Variants in SRPK2 observed in about 807,000 individuals in gnomAD.
The protein encoded by SRPK2 is SRSF protein kinase 2.
Under a neutral mutation model 90.8 loss-of-function variants are expected in SRPK2, and 21 were observed. The observed-to-expected ratio is 0.23, with a 90% CI of 0.16 to 0.33. The LOEUF (loss-of-function observed/expected upper bound fraction) is 0.33, where lower values mean the gene tolerates loss of function less well. Ranked by LOEUF, SRPK2 falls within the 10% of genes least tolerant of loss-of-function variation. SRPK2 has a pLI of 1.00. For missense variants in SRPK2, 620 were observed against 869.0 expected (o/e 0.71, Z 3.60); for synonymous variants, 288 against 311.1 (o/e 0.93, Z 0.78).
At chr7:105,170,077 A>T (rs1790613967) in intron 3 of SRPK2, among the ~76,000 whole-genome samples, 1 of 152,066 alleles carries the variant, frequency 6.6e-6, no homozygotes, top group Non-Finnish European at 1.5e-5. Context: ...CCCCTCCCAA[A>T]GTGCTGGGAT....
At chr7:105,212,346 C>A (rs1212091413) in intron 2 of SRPK2, among the ~76,000 whole-genome samples, 1 of 152,154 alleles carries the variant, frequency 6.6e-6, no homozygotes, top group Non-Finnish European at 1.5e-5. Flanking sequence ...CATGTAAACA[C>A]ACAAATGTAA....
intron 1 of SRPK2, among the ~76,000 whole-genome samples, chr7:105,394,425 G>T (rs1224752986): frequency 1.3e-5 from 2 of 151,792 alleles, no homozygotes; most frequent in East Asian, 3.9e-4. Flanking sequence ...ACAGGCGTGA[G>T]CCACGCGCCC....
chr7:105,365,532 G>T (rs977764972), intron 2 of SRPK2, among the ~76,000 whole-genome samples: 1 of 145,332 alleles, frequency 6.9e-6, no homozygotes, highest in Middle Eastern at 3.6e-3. Context: ...ATATATTTAG[G>T]CCAGGTGCAA....
chr7:105,169,007 G>T, intron 4 of SRPK2, 150 bp downstream of exon 4: 2 of 476,624 alleles, frequency 4.2e-6, no homozygotes. Context: ...AAGGCAGGGG[G>T]CAGGAAGGAA....
intron 2 of SRPK2, among the ~76,000 whole-genome samples, chr7:105,357,883 G>A (rs1343338033): frequency 1.3e-5 from 2 of 152,128 alleles, no homozygotes; most frequent in African/African-American, 4.8e-5. Flanking sequence ...ACTGATCCTT[G>A]AACAACGCAG....
chr7:105,330,705 T>C (rs1484522931), intron 2 of SRPK2, among the ~76,000 whole-genome samples: 1 of 152,184 alleles, frequency 6.6e-6, no homozygotes, highest in Non-Finnish European at 1.5e-5. Flanking sequence ...GAGGGTCACG[T>C]GCAGTGGCTC....
chr7:105,320,633 T>C (rs1812831747), intron 2 of SRPK2, among the ~76,000 whole-genome samples: 1 of 152,196 alleles, frequency 6.6e-6, no homozygotes, highest in African/African-American at 2.4e-5. Flanking sequence ...ATAAAGCTAA[T>C]TTTGCATTCA....
At chr7:105,205,932 C>CAA (rs781579073) in intron 2 of SRPK2, 3 of 516,158 alleles carry the variant, frequency 5.8e-6, no homozygotes, top group Admixed American at 2.0e-5. Flanking sequence ...TCTGAAAACA[C>CAA]ACACACACAC....
chr7:105,173,532 A>G (rs556603606), intron 3 of SRPK2, among the ~76,000 whole-genome samples: 2 of 151,970 alleles, frequency 1.3e-5, no homozygotes, highest in African/African-American at 4.8e-5. Flanking sequence ...CTAACCTAAT[A>G]CCCAGGGAAT....
At chr7:105,370,557 C>A (rs1029589059) in intron 2 of SRPK2, among the ~76,000 whole-genome samples, 1 of 151,760 alleles carries the variant, frequency 6.6e-6, no homozygotes, top group African/African-American at 2.4e-5. Context: ...CAAAGAGATG[C>A]CTGAAACAAT....
At chr7:105,361,822 A>C (rs866357567) in intron 2 of SRPK2, among the ~76,000 whole-genome samples, 10 of 152,312 alleles carry the variant, frequency 6.6e-5, no homozygotes, top group African/African-American at 2.4e-4. Flanking sequence ...ACAAAAATTA[A>C]TTCAAGATGG....
chr7:105,318,353 C>A (rs1004097835), intron 2 of SRPK2, among the ~76,000 whole-genome samples: 1 of 152,098 alleles, frequency 6.6e-6, no homozygotes, highest in Non-Finnish European at 1.5e-5. Context: ...CCTCAGCCTC[C>A]CAAAGTGCTG....
At chr7:105,355,966 T>C (rs1817737077) in intron 2 of SRPK2, among the ~76,000 whole-genome samples, 1 of 152,130 alleles carries the variant, frequency 6.6e-6, no homozygotes, top group Non-Finnish European at 1.5e-5. Context: ...GAGAATCACC[T>C]GAAACTGGAA....
intron 2 of SRPK2, among the ~76,000 whole-genome samples, chr7:105,219,040 G>A (rs1300066611): frequency 1.3e-5 from 2 of 152,030 alleles, no homozygotes; most frequent in African/African-American, 4.8e-5. Context: ...CCAGAAAACA[G>A]TCCACCCTGG....
chr7:105,324,312 T>C (rs1813312264), intron 2 of SRPK2, among the ~76,000 whole-genome samples: 1 of 151,282 alleles, frequency 6.6e-6, no homozygotes, highest in Non-Finnish European at 1.5e-5. Flanking sequence ...GGGCCAACTA[T>C]TCCCTCCCTC....
chr7:105,310,515 A>G (rs994331208), intron 2 of SRPK2, among the ~76,000 whole-genome samples: 4 of 151,974 alleles, frequency 2.6e-5, no homozygotes, highest in African/African-American at 9.7e-5. Flanking sequence ...ATGGTGGCAC[A>G]CTCCTGTAGT....
chr7:105,383,331 T>A (rs1216077121), intron 2 of SRPK2, among the ~76,000 whole-genome samples: 1 of 151,176 alleles, frequency 6.6e-6, no homozygotes, highest in Non-Finnish European at 1.5e-5. Flanking sequence ...CCTCCCAAAG[T>A]GCTGGGATTA....
At chr7:105,270,624 G>A (rs888875834) in intron 2 of SRPK2, among the ~76,000 whole-genome samples, 1 of 151,884 alleles carries the variant, frequency 6.6e-6, no homozygotes, top group Non-Finnish European at 1.5e-5. Flanking sequence ...GGTCAGGCTG[G>A]TCTTGAACTC....
intron 3 of SRPK2, among the ~76,000 whole-genome samples, chr7:105,172,124 C>T (rs1463744197): frequency 1.3e-5 from 2 of 152,106 alleles, no homozygotes; most frequent in Non-Finnish European, 2.9e-5. Context: ...TAACTCTTGA[C>T]CTCAGGTGAT....
Sources: gnomAD v4.1 joint callset for allele counts (sites outside exome capture counted in the v4.1 genomes callset) on GRCh38, gnomAD v4.1.1 for gene constraint, MANE v1.5 for transcripts, NCBI Gene and HGNC (gene_info 2026-07-23, HGNC 2026-07-21) for gene names.